CCNH: variants seen among roughly 807,000 people sequenced by gnomAD.
The protein encoded by CCNH is cyclin H.
CCNH carries 31 observed loss-of-function variants against 41.9 expected under a neutral mutation model. The ratio of observed to expected loss-of-function variants is 0.74; its 90% confidence interval spans 0.56 to 1.00. The LOEUF (loss-of-function observed/expected upper bound fraction) is 1.00. Among genes scored for constraint, CCNH ranks in the 50% least tolerant of loss-of-function variants. CCNH has a pLI of 0.00. For synonymous variants in CCNH, 138 were observed against 136.1 expected, an observed-to-expected ratio of 1.01 and a Z score of -0.10; for missense variants, 362 against 388.4, an observed-to-expected ratio of 0.93 and a Z score of 0.57.
chr5:87,403,562 A>G (rs916506746), intron 5 of CCNH, among the ~76,000 whole-genome samples: 3 of 152,138 alleles, frequency 2.0e-5, no homozygotes, highest in Non-Finnish European at 2.9e-5. Flanking sequence ...AGACTACTCG[A>G]GTCTAGGAGT....
chr5:87,312,662 C>T, the CCNH span, among the ~76,000 whole-genome samples: 1 of 152,272 alleles, frequency 6.6e-6, no homozygotes, highest in South Asian at 2.1e-4. Context: ...TAGTTTGCAA[C>T]TGGAATCTCA....
chr5:87,405,568 T>C (rs1430049722), intron 4 of CCNH, among the ~76,000 whole-genome samples: 2 of 152,066 alleles, frequency 1.3e-5, no homozygotes, highest in Admixed American at 1.3e-4. Flanking sequence ...TAAGAAAGCT[T>C]TTCTACACTC....
downstream of CCNH, among the ~76,000 whole-genome samples, chr5:87,314,484 A>G (rs1756168679): frequency 6.6e-6 from 1 of 152,234 alleles, no homozygotes; most frequent in Admixed American, 6.5e-5. Context: ...AAGAGAGCAT[A>G]GGAAGGTGGA....
chr5:87,331,534 T>C, intron 9 of CCNH: 9 of 1,601,378 alleles, frequency 5.6e-6, no homozygotes, highest in Non-Finnish European at 6.0e-6. Flanking sequence ...AGCCAAATGA[T>C]GTAGCTATTT....
chr5:87,330,887 G>T (rs1239287427), intron 9 of CCNH: 4 of 1,154,810 alleles, frequency 3.5e-6, no homozygotes, highest in African/African-American at 3.2e-5. Context: ...CTGTTTTCCT[G>T]TCGCAGGGCA....
chr5:87,387,913 A>AAGTT (rs1762175776), downstream of CCNH, among the ~76,000 whole-genome samples: 1 of 152,296 alleles, frequency 6.6e-6, no homozygotes, highest in South Asian at 2.1e-4. Flanking sequence ...ACTGTGTGAG[A>AAGTT]AGTTATGCCA....
downstream of CCNH, among the ~76,000 whole-genome samples, chr5:87,373,395 G>A (rs573813336): frequency 8.5e-4 from 129 of 152,142 alleles, no homozygotes; most frequent in Middle Eastern, 3.4e-3. Context: ...TTTTCTATAC[G>A]GGACTTGAGC....
chr5:87,330,196 TTAAG>T (rs1284969617), intron 9 of CCNH, among the ~76,000 whole-genome samples: 1 of 152,158 alleles, frequency 6.6e-6, no homozygotes, highest in Non-Finnish European at 1.5e-5. Context: ...TCCATAAGTT[TTAAG>T]TTTCTGTGTT....
intron 9 of CCNH, among the ~76,000 whole-genome samples, chr5:87,356,026 G>A (rs1350881505): frequency 2.6e-5 from 4 of 152,276 alleles, no homozygotes; most frequent in Non-Finnish European, 5.9e-5. Flanking sequence ...AAAGAAAGTG[G>A]TCTCTTGAGA....
At chr5:87,373,287 T>C (rs957733040), downstream of CCNH, among the ~76,000 whole-genome samples, 2 of 152,158 alleles carry the variant, frequency 1.3e-5, no homozygotes, top group African/African-American at 4.8e-5. Flanking sequence ...AACAACTATG[T>C]ACATAGCATT....
downstream of CCNH, chr5:87,391,747 A>T (rs998667270): frequency 1.3e-5 from 3 of 232,466 alleles, no homozygotes; most frequent in African/African-American, 6.6e-5. Context: ...CCCTTTGATT[A>T]TGCAGACAAC....
downstream of CCNH, chr5:87,391,524 C>T (rs1181686322): frequency 8.4e-6 from 2 of 236,798 alleles, no homozygotes; most frequent in South Asian, 1.7e-4. Context: ...TTTAAACATA[C>T]GACTTATTTT....
At chr5:87,393,548 T>G (rs1322525046), downstream of CCNH, 1 of 152,222 alleles carries the variant, frequency 6.6e-6, no homozygotes, top group Admixed American at 6.5e-5. Flanking sequence ...TAATAGTCTG[T>G]GCTTTCATAT....
intron 9 of CCNH, among the ~76,000 whole-genome samples, chr5:87,359,633 C>T (rs1023750930): frequency 6.6e-6 from 1 of 152,054 alleles, no homozygotes; most frequent in South Asian, 2.1e-4. Context: ...AGTGCCATCA[C>T]CATTGAACTA....
At chr5:87,320,540 A>G (rs1756711948) in intron 9 of CCNH, among the ~76,000 whole-genome samples, 2 of 152,184 alleles carry the variant, frequency 1.3e-5, no homozygotes, top group Admixed American at 1.3e-4. Flanking sequence ...ACATGGTGAC[A>G]GGAGACAGAG....
At chr5:87,354,177 A>G (rs1338339020) in intron 9 of CCNH, among the ~76,000 whole-genome samples, 1 of 152,102 alleles carries the variant, frequency 6.6e-6, no homozygotes, top group East Asian at 1.9e-4. Flanking sequence ...ATCTGAAGCT[A>G]AAGATAAATT....
chr5:87,321,059 G>A (rs1006449698), intron 9 of CCNH, among the ~76,000 whole-genome samples: 1 of 152,138 alleles, frequency 6.6e-6, no homozygotes, highest in African/African-American at 2.4e-5. Flanking sequence ...AGCCTATTAG[G>A]GAGATAAATC....
rs1328846908 is a variant in CCNH at position 87,335,802 on chromosome 5, T to G, written c.*91-16905A>C. Among the ~76,000 whole-genome samples the G allele has an allele frequency of 4.6e-5, 7 of 152,188 alleles. No homozygotes were observed. In the East Asian group the frequency reaches 1.3e-3, roughly 29 times the overall value. ...GATAGCTCAGTGAACTAATATTTTC[T>G]AAAAGGTCAACGCATGTTGTTACAA... is the stretch of plus-strand genomic sequence containing the variant. On this transcript the variant is annotated intron_variant and NMD_transcript_variant, in intron 9 of 9. Coordinates refer to the CCNH transcript ENST00000645953.
intron 9 of CCNH, among the ~76,000 whole-genome samples, chr5:87,386,460 T>A (rs901619425): frequency 6.6e-6 from 1 of 152,030 alleles, no homozygotes; most frequent in Non-Finnish European, 1.5e-5. Context: ...AACCTATGAT[T>A]TGGGGCCATG....
Sources: gnomAD v4.1 joint callset for allele counts (sites outside exome capture counted in the v4.1 genomes callset) on GRCh38, gnomAD v4.1.1 for gene constraint, MANE v1.5 for transcripts, NCBI Gene and HGNC (gene_info 2026-07-23, HGNC 2026-07-21) for gene names.